ANTXRL: variants seen among roughly 807,000 people sequenced by gnomAD.
ANTXRL encodes the protein anthrax toxin receptor-like.
In ANTXRL, 63 loss-of-function variants were observed where a neutral mutation model predicts 75.4. The ratio of observed to expected loss-of-function variants is 0.84; its 90% CI spans 0.68 to 1.03. ANTXRL has a LOEUF of 1.03. Ranked by LOEUF, ANTXRL falls within the 50% of genes least tolerant of loss-of-function variation. ANTXRL has a pLI of 0.00. For missense variants in ANTXRL, 797 were observed against 789.4 expected, an observed-to-expected ratio of 1.01 and a Z score of -0.12; for synonymous variants, 335 against 291.3, an observed-to-expected ratio of 1.15 and a Z score of -1.53.
Position 46,325,964 on chromosome 10 carries a change from G to C in ANTXRL, c.1411-3635G>C, listed in dbSNP as rs142513757. ...ATTCGAAATTCCTCAGTAAACCCTT[G>C]AGCCTTCACCCTTGGGTTAGGGAAG... On this transcript the variant is annotated intron_variant, in intron 16 of 16. Coordinates refer to ENST00000620264, the MANE Select transcript of ANTXRL (RefSeq NM_001278688.3). Among the ~76,000 whole-genome samples the C allele has an allele frequency of 3.0e-4, 45 of 152,166 alleles. 1 individual carries two copies. The East Asian group carries it at 8.1e-3, about 27-fold the overall frequency.
chr10:46,303,882 G>T (rs7898488), intron 10 of ANTXRL, among the ~76,000 whole-genome samples: 39,890 of 151,350 alleles, frequency 0.26, 4,499 homozygotes, highest in East Asian at 0.39. Context: ...TTCCCAGGTG[G>T]CCCCTTGATA....
At chr10:46,297,151 T>C (rs1837428655) in intron 5 of ANTXRL, 101 bp from the exon 6 acceptor site, 4 of 953,492 alleles carry the variant, frequency 4.2e-6, no homozygotes, top group Non-Finnish European at 6.3e-6. Context: ...TGCCCTGGAG[T>C]GGGCAGCGCT....
Position 46,317,402 on chromosome 10 carries a change from C to T in ANTXRL, c.1410+4086C>T, listed in dbSNP as rs368113524. Among the ~76,000 whole-genome samples the T allele has an allele frequency of 1.7e-3, 255 of 152,262 alleles. 1 individual carries two copies. Among genetic ancestry groups the T allele is most frequent in the Middle Eastern group, 0.014 (4 of 294 alleles). Reference sequence around the variant, plus strand: ...TCACTTGCAGACCTCCTTCTAAATTCGTACTCATGTTTGCTGGGATAGTTG... The same window carrying T: ...TCACTTGCAGACCTCCTTCTAAATTTGTACTCATGTTTGCTGGGATAGTTG... On this transcript the variant is annotated intron_variant, in intron 16 of 16. Transcript: ENST00000620264.
chr10:46,307,172 A>T (rs1554962122), intron 11 of ANTXRL, among the ~76,000 whole-genome samples: 2 of 152,136 alleles, frequency 1.3e-5, no homozygotes, highest in Non-Finnish European at 2.9e-5. Flanking sequence ...AATACAGAAG[A>T]GCCAGGATGG....
intron 3 of ANTXRL, among the ~76,000 whole-genome samples, chr10:46,294,554 G>A (rs1447702369): frequency 6.6e-6 from 1 of 152,160 alleles, no homozygotes; most frequent in East Asian, 1.9e-4. Flanking sequence ...AGGAGATGAA[G>A]CACAGAAGAG....
In ANTXRL at chr10:46,313,304, G is replaced by A; in HGVS notation, c.1398G>A (p.Gln466=). Residue 466 remains glutamine, a synonymous_variant, in exon 16 of 17, where the codon CAG becomes CAA. Transcript: ENST00000620264. Reference sequence around the variant, plus strand: ...ACCAGGTGCCATGGATGTGTTGTCAGAGCAGGGACCAGGTGAGCTAGGGCA... The same window carrying A: ...ACCAGGTGCCATGGATGTGTTGTCAAAGCAGGGACCAGGTGAGCTAGGGCA... ...SCHQVPWMCC[Q]SRDQGRYLSL... 1 of 1,535,936 alleles carries A rather than the reference G, an allele frequency of 6.5e-7. No homozygotes were observed. Among genetic ancestry groups the A allele is most frequent in the East Asian group, 2.4e-5 (1 of 40,910 alleles).
chr10:46,293,789 T>A, intron 2 of ANTXRL, 40 bp from the exon 3 acceptor site: 1 of 1,513,334 alleles, frequency 6.6e-7, no homozygotes, highest in Non-Finnish European at 8.9e-7. Context: ...CTTCTGAGCC[T>A]GTGCCACTGG....
Position 46,306,830 on chromosome 10 carries a change from AT to A in ANTXRL, c.925del (p.Ser309ProfsTer2). 6.5e-7 allele frequency: 1 copy of A among 1,529,604 alleles called. No homozygotes were observed. Among genetic ancestry groups the A allele is most frequent in the South Asian group, 1.2e-5 (1 of 82,948 alleles). 94.8% of individuals were successfully genotyped at this position (1,529,604 alleles called of 1,614,324 possible). A position where few individuals can be genotyped will look rare whatever the true frequency, so the allele number is the denominator to read the frequency against. On this transcript the variant is annotated frameshift_variant, in exon 11 of 17. Transcript: ENST00000620264. LOFTEE classifies it high-confidence loss of function. ...GAAAAGCCAACCAGTATCGACAATA[AT>A]TCCATGAATTGCCCTGGGCCAAAAC... is the stretch of plus-strand genomic sequence containing the variant. ...IDEKPTSIDN[N>X]SMNCPGPKLE...
Position 46,298,080 on chromosome 10 carries a change from C to G in ANTXRL, c.796+18C>G, listed in dbSNP as rs782286103. 1 of 1,525,756 alleles carries G rather than the reference C, an allele frequency of 6.6e-7. No individual in the cohort carries two copies. Among genetic ancestry groups the G allele is most frequent in the African/African-American group, 1.4e-5 (1 of 72,828 alleles). The allele number at this position is 1,525,756 out of a possible 1,614,324, so 94.5% of individuals were successfully genotyped here. A position where few individuals can be genotyped will look rare whatever the true frequency, so the allele number is the denominator to read the frequency against. On this transcript the variant is annotated intron_variant, in intron 9 of 16. Transcript: ENST00000620264. ...TGTAGGAGGTGAGAGCTGCGGAGGCCCTGGGGTAGCCAAAGGGTGGTGTGC... is the reference window on the plus strand; with the variant it reads ...TGTAGGAGGTGAGAGCTGCGGAGGCGCTGGGGTAGCCAAAGGGTGGTGTGC...
Position 46,297,445 on chromosome 10 carries a change from C to A in ANTXRL, c.625C>A (p.Leu209Met). 1 of 1,535,838 alleles carries A rather than the reference C, an allele frequency of 6.5e-7. No homozygotes were observed. The highest frequency in any genetic ancestry group is 2.0e-5 in the Admixed American group (1 of 50,976). ...GAAACTGGGGGCCAACGTTTACACCCTGGGTGTGGCTGATTATAATCTGGA... is the reference window on the plus strand; with the variant it reads ...GAAACTGGGGGCCAACGTTTACACCATGGGTGTGGCTGATTATAATCTGGA... ...ARKLGANVYT[L>M]GVADYNLDQI... Residue 209 changes from leucine (L) to methionine (M), a missense_variant, in exon 7 of 17, where the codon CTG becomes ATG. Physicochemically the swap from Leu to Met is conservative, Grantham distance 15. Around this residue, in one of 3 missense-constraint regions of ANTXRL, gnomAD observed 262 missense variants for 271.9 expected, o/e 0.96. Transcript: ENST00000620264.
chr10:46,290,338 G>A (rs1313528803), intron 1 of ANTXRL, among the ~76,000 whole-genome samples: 5 of 152,120 alleles, frequency 3.3e-5, no homozygotes, highest in African/African-American at 4.8e-5. Flanking sequence ...CACCTCGCCC[G>A]GCCTGTTTAT....
At chr10:46,316,936 G>T (rs1217195609) in intron 16 of ANTXRL, among the ~76,000 whole-genome samples, 1 of 152,102 alleles carries the variant, frequency 6.6e-6, no homozygotes, top group African/African-American at 2.4e-5. Flanking sequence ...CTCTATGGGT[G>T]CTGTGTGAGT....
rs782577783 is a variant in ANTXRL, at chr10:46,309,122, C to T, written c.1054C>T (p.Arg352Cys). The T allele has an allele frequency of 7.8e-5, 119 of 1,526,922 alleles. No homozygotes were observed. The highest frequency in any genetic ancestry group is 5.1e-4 in the East Asian group (21 of 40,922). The allele number at this position is 1,526,922 out of a possible 1,614,324, so 94.6% of individuals were successfully genotyped here. Residue 352 changes from arginine to cysteine, a missense_variant, in exon 13 of 17, where the codon CGC (arginine) becomes TGC (cysteine). Arg to Cys is a radical substitution (Grantham distance 180). Coordinates refer to ENST00000620264, the MANE Select transcript of ANTXRL (RefSeq NM_001278688.3). Reference sequence around the variant, plus strand: ...TCTCTTTCTCCACCAGGGCATTTTCCGCAACTGGCTCTATTTTGTGCCACT... The same window carrying T: ...TCTCTTTCTCCACCAGGGCATTTTCTGCAACTGGCTCTATTTTGTGCCACT... ...SITSTTCGIF[R>C]NWLYFVPLLL...
Position 46,329,752 on chromosome 10 carries a change from G to C in ANTXRL, c.1564G>C (p.Ala522Pro), listed in dbSNP as rs782340745. 2.0e-6 allele frequency: 3 copies of C among 1,531,478 alleles called. No individual in the cohort carries two copies. Among genetic ancestry groups the C allele is most frequent in the Non-Finnish European group, 2.6e-6 (3 of 1,145,728 alleles). The allele number at this position is 1,531,478 out of a possible 1,614,324, so 94.9% of individuals were successfully genotyped here. A position where few individuals can be genotyped will look rare whatever the true frequency, so the allele number is the denominator to read the frequency against. The change falls in exon 17 of 17, where the codon GCC becomes CCC. Residue 522 changes from alanine to proline, a missense_variant. Around this residue, in one of 3 missense-constraint regions of ANTXRL, gnomAD observed 479 missense variants for 422.0 expected, o/e 1.14. Coordinates refer to ENST00000620264, the MANE Select transcript of ANTXRL (RefSeq NM_001278688.3). ...MCLRHSRECL[A>P]LKQARCSPNI... is the part of the protein sequence containing the mutation. ...CCTGAGACACAGCCGGGAGTGCCTCGCCCTCAAACAGGCTCGCTGCAGCCC... is the reference window on the plus strand; with the variant it reads ...CCTGAGACACAGCCGGGAGTGCCTCCCCCTCAAACAGGCTCGCTGCAGCCC...
chr10:46,321,863 T>C (rs1460858528), intron 16 of ANTXRL, among the ~76,000 whole-genome samples: 1 of 152,132 alleles, frequency 6.6e-6, no homozygotes, highest in Non-Finnish European at 1.5e-5. Flanking sequence ...TGATAGTACC[T>C]TTGGCCAAGG....
chr10:46,300,025 T>C lies in ANTXRL; in HGVS notation c.796+1963T>C, dbSNP rs188012040. Among the ~76,000 whole-genome samples, 581 of 152,272 alleles carry C rather than the reference T, an allele frequency of 3.8e-3. 4 individuals carry two copies. The highest frequency in any genetic ancestry group is 0.013 in the African/African-American group (542 of 41,540). On this transcript the variant is annotated intron_variant, in intron 9 of 16. Coordinates refer to ENST00000620264, the MANE Select transcript of ANTXRL (RefSeq NM_001278688.3). ...CAGTGTGACAGCTGTGCTCCTCTGA[T>C]GATGTCCCCTGGACACGCACAGCCT...
chr10:46,303,472 G>A (rs1190858013), intron 10 of ANTXRL, among the ~76,000 whole-genome samples: 2 of 152,306 alleles, frequency 1.3e-5, no homozygotes, highest in Non-Finnish European at 2.9e-5. Flanking sequence ...GTTTTGGAAC[G>A]TGTGCAGTAT....
chr10:46,316,217 G>A lies in ANTXRL; in HGVS notation c.1410+2901G>A, dbSNP rs559784034. 1.8e-4 allele frequency among the ~76,000 whole-genome samples: 28 copies of A among 152,116 alleles called. No individual in the cohort carries two copies. The East Asian group carries it at 3.1e-3, about 17-fold the overall frequency. ...TTTCCAGTGAGTTTAATTCGTGTGC[G>A]CACCACAGCAGGAGGCCCTTTAGAA... On this transcript the variant is annotated intron_variant, in intron 16 of 16. Coordinates refer to ENST00000620264, the MANE Select transcript of ANTXRL (RefSeq NM_001278688.3).
At chr10:46,300,894 G>A (rs1673044487) in intron 9 of ANTXRL, among the ~76,000 whole-genome samples, 1 of 152,038 alleles carries the variant, frequency 6.6e-6, no homozygotes, top group Admixed American at 6.5e-5. Flanking sequence ...ACCTGTAGGT[G>A]AGTGGAAAGG....
Sources: allele counts gnomAD v4.1 joint callset (sites outside exome capture counted in the v4.1 genomes callset), GRCh38; gene constraint gnomAD v4.1.1; regional missense constraint gnomAD v4.1.1; transcripts MANE v1.5; gene names NCBI Gene and HGNC (gene_info 2026-07-23, HGNC 2026-07-21).